The following ADGRB3 variants were observed in gnomAD, a reference collection of about 807,000 sequenced individuals.
The protein encoded by ADGRB3 is brain-specific angiogenesis inhibitor 3.
Under a neutral mutation model 193.4 loss-of-function variants are expected in ADGRB3, and 37 were observed. The ratio of observed to expected loss-of-function variants is 0.19; its 90% CI spans 0.15 to 0.25. The LOEUF (loss-of-function observed/expected upper bound fraction) is 0.25. ADGRB3 is among the 10% of genes least tolerant of loss of function. ADGRB3 has a pLI of 1.00. For missense variants in ADGRB3, 1,637 were observed against 1,852.9 expected, an observed-to-expected ratio of 0.88 and a Z score of 2.14; for synonymous variants, 690 against 644.2, an observed-to-expected ratio of 1.07 and a Z score of -1.08.
intron 17 of ADGRB3, among the ~76,000 whole-genome samples, chr6:69,183,244 C>T (rs557110610): frequency 9.9e-5 from 15 of 152,122 alleles, no homozygotes; most frequent in East Asian, 3.9e-4. Flanking sequence ...TGCTTTACTT[C>T]CTTTCAAATT....
chr6:68,644,824 A>T (rs745447759), intron 3 of ADGRB3, among the ~76,000 whole-genome samples: 1 of 152,168 alleles, frequency 6.6e-6, no homozygotes, highest in African/African-American at 2.4e-5. Context: ...GAGGGGTGCG[A>T]ACACTTAAGT....
intron 3 of ADGRB3, among the ~76,000 whole-genome samples, chr6:68,773,820 G>A (rs1766685091): frequency 6.6e-6 from 1 of 152,030 alleles, no homozygotes; most frequent in Non-Finnish European, 1.5e-5. Context: ...GTAGCAGCAA[G>A]ACCTGGAGAC....
intron 20 of ADGRB3, among the ~76,000 whole-genome samples, chr6:69,279,908 A>G (rs1299472326): frequency 6.6e-6 from 1 of 152,242 alleles, no homozygotes; most frequent in African/African-American, 2.4e-5. Flanking sequence ...CTGTCTAACA[A>G]AAACCTCCAA....
At chr6:68,817,303 CCATGTATATA>C (rs1260184533) in intron 3 of ADGRB3, among the ~76,000 whole-genome samples, 53 of 32,764 alleles carry the variant, frequency 1.6e-3, no homozygotes, top group Non-Finnish European at 2.7e-3. Flanking sequence ...TCCCTTTTGT[CCATGTATATA>C]TATATATATA....
intron 3 of ADGRB3, among the ~76,000 whole-genome samples, chr6:68,910,227 G>A (rs1013867939): frequency 6.6e-6 from 1 of 152,062 alleles, no homozygotes; most frequent in African/African-American, 2.4e-5. Flanking sequence ...TCTGTTCATA[G>A]CCTTCACCCA....
chr6:69,091,144 T>A (rs935316541), intron 17 of ADGRB3, among the ~76,000 whole-genome samples: 2 of 152,088 alleles, frequency 1.3e-5, no homozygotes, highest in Non-Finnish European at 1.5e-5. Flanking sequence ...AAATAACAGA[T>A]CCTAGCGAGG....
rs1448477193 is a variant in ADGRB3, at chr6:69,325,000, A to G, written c.2943A>G (p.Lys981=). Residue 981 remains lysine (K), a synonymous_variant, in exon 21 of 32, where the codon AAA becomes AAG. Transcript: ENST00000370598. Reference sequence around the variant, plus strand: ...AAATTAGGACACGGCTTATAAGAAAACGCTTTTTGTGCCTTGGATGGGGTA... The same window carrying G: ...AAATTAGGACACGGCTTATAAGAAAGCGCTTTTTGTGCCTTGGATGGGGTA... The part of the protein sequence containing the change: ...TGKIRTRLIR[K]RFLCLGWGLP... 7 of 1,613,570 alleles carry G rather than the reference A, an allele frequency of 4.3e-6. No homozygotes were observed. The highest frequency in any genetic ancestry group is 5.1e-6 in the Non-Finnish European group (6 of 1,179,766).
At chr6:68,651,539 G>A (rs948339857) in intron 3 of ADGRB3, among the ~76,000 whole-genome samples, 1 of 152,198 alleles carries the variant, frequency 6.6e-6, no homozygotes, top group South Asian at 2.1e-4. Context: ...TGTGTTCTGA[G>A]ACCACAGAAA....
chr6:69,019,634 G>A (rs756976309), intron 13 of ADGRB3, among the ~76,000 whole-genome samples: 7 of 151,900 alleles, frequency 4.6e-5, no homozygotes, highest in African/African-American at 9.7e-5. Flanking sequence ...TAGTTCAAAC[G>A]TCTGGAGACA....
At chr6:69,182,482 T>C (rs1049565789) in intron 17 of ADGRB3, among the ~76,000 whole-genome samples, 3 of 152,002 alleles carry the variant, frequency 2.0e-5, no homozygotes, top group African/African-American at 4.8e-5. Context: ...TAGAGCTGCA[T>C]TGGATTCTGA....
At chr6:68,968,202 G>C (rs191331409) in intron 8 of ADGRB3, among the ~76,000 whole-genome samples, 1 of 151,886 alleles carries the variant, frequency 6.6e-6, no homozygotes, top group African/African-American at 2.4e-5. Flanking sequence ...ATCAGATTCC[G>C]CAGCCGGCCC....
At chr6:69,038,329 G>GACACACAC (rs35438298) in intron 13 of ADGRB3, among the ~76,000 whole-genome samples, 35 of 149,560 alleles carry the variant, frequency 2.3e-4, no homozygotes, top group African/African-American at 8.3e-4. Context: ...TGAATACACA[G>GACACACAC]ACACACACAC....
chr6:69,340,563 A>G (rs555954552), intron 26 of ADGRB3, among the ~76,000 whole-genome samples: 84 of 152,310 alleles, frequency 5.5e-4, no homozygotes, highest in African/African-American at 1.9e-3. Flanking sequence ...AGAGATAACT[A>G]GAGGCTTTTA....
intron 3 of ADGRB3, among the ~76,000 whole-genome samples, chr6:68,831,918 C>T (rs1010123531): frequency 5.9e-5 from 9 of 152,120 alleles, no homozygotes; most frequent in African/African-American, 2.2e-4. Flanking sequence ...ACTCTTTTGA[C>T]TCACACGACA....
intron 26 of ADGRB3, among the ~76,000 whole-genome samples, chr6:69,349,907 G>T (rs1325104551): frequency 6.6e-6 from 1 of 152,138 alleles, no homozygotes; most frequent in East Asian, 1.9e-4. Context: ...TTCCTGTGAG[G>T]TTTGTCTGAA....
At chr6:68,646,243 G>C (rs181265894) in intron 3 of ADGRB3, among the ~76,000 whole-genome samples, 1 of 151,884 alleles carries the variant, frequency 6.6e-6, no homozygotes, top group Non-Finnish European at 1.5e-5. Context: ...TTGGGAGGCC[G>C]AGGCGGGTGG....
At chr6:68,686,389 C>T (rs1410241158) in intron 3 of ADGRB3, among the ~76,000 whole-genome samples, 2 of 152,032 alleles carry the variant, frequency 1.3e-5, no homozygotes. Context: ...TCCATTTTTG[C>T]TTTGACTGGA....
At chr6:68,805,041 C>T (rs761465087) in intron 3 of ADGRB3, among the ~76,000 whole-genome samples, 1 of 152,082 alleles carries the variant, frequency 6.6e-6, no homozygotes, top group Non-Finnish European at 1.5e-5. Context: ...AATCCTCCCA[C>T]CTCAGCCTCC....
At chr6:68,941,041 G>T (rs1484201581) in intron 5 of ADGRB3, among the ~76,000 whole-genome samples, 1 of 151,994 alleles carries the variant, frequency 6.6e-6, no homozygotes, top group African/African-American at 2.4e-5. Flanking sequence ...ATCACAAAAA[G>T]ACATATAATA....
Sources: gnomAD v4.1 joint callset for allele counts (sites outside exome capture counted in the v4.1 genomes callset) on GRCh38, gnomAD v4.1.1 for gene constraint, MANE v1.5 for transcripts, NCBI Gene and HGNC (gene_info 2026-07-23, HGNC 2026-07-21) for gene names.